The following AGFG2 variants were observed in gnomAD, a reference collection of about 807,000 sequenced individuals.
AGFG2 encodes the protein ArfGAP with FG repeats 2.
AGFG2 carries 31 observed loss-of-function variants against 48.0 expected under a neutral mutation model. The observed-to-expected ratio is 0.65, with a 90% CI of 0.49 to 0.87. The LOEUF (loss-of-function observed/expected upper bound fraction) is 0.87. Among genes scored for constraint, AGFG2 ranks in the 40% least tolerant of loss-of-function variants. The pLI is 0.00. For synonymous variants in AGFG2, 229 were observed against 260.8 expected, an observed-to-expected ratio of 0.88 and a Z score of 1.18; for missense variants, 599 against 632.6, an observed-to-expected ratio of 0.95 and a Z score of 0.57.
chr7:100,561,468 A>C (rs777525530), intron 6 of AGFG2, among the ~76,000 whole-genome samples: 1 of 152,166 alleles, frequency 6.6e-6, no homozygotes, highest in Non-Finnish European at 1.5e-5. Flanking sequence ...TTACATTCAC[A>C]GCAGCCCAGT....
At chr7:100,554,014 A>G in intron 4 of AGFG2, 79 bp from the exon 5 acceptor site, 1 of 1,523,828 alleles carries the variant, frequency 6.6e-7, no homozygotes, top group Non-Finnish European at 8.8e-7. Flanking sequence ...TGCCTATCTG[A>G]GGGCAACCTG....
chr7:100,555,011 C>A (rs892404881), intron 5 of AGFG2, among the ~76,000 whole-genome samples: 3 of 151,026 alleles, frequency 2.0e-5, no homozygotes, highest in South Asian at 2.1e-4. Context: ...CCAAACTAGG[C>A]CCTGACAAAA....
chr7:100,558,634 C>A (rs910188231), intron 6 of AGFG2, among the ~76,000 whole-genome samples: 2 of 151,200 alleles, frequency 1.3e-5, no homozygotes, highest in African/African-American at 4.9e-5. Flanking sequence ...CTCCGCCTCT[C>A]GGGTTCACGC....
chr7:100,564,847 C>A (rs1041871724), intron 11 of AGFG2, 85 bp from the exon 12 acceptor site: 10 of 1,472,894 alleles, frequency 6.8e-6, no homozygotes, highest in African/African-American at 1.4e-5. Flanking sequence ...AGCGATTTTT[C>A]AGGAGAAAGG....
At position 100,562,225 on chromosome 7, in the gene AGFG2, A is replaced by G; in HGVS notation, c.878-34A>G. 6.2e-7 allele frequency: 1 copy of G among 1,605,834 alleles called. No individual in the cohort carries two copies. The highest frequency in any genetic ancestry group is 2.2e-5 in the East Asian group (1 of 44,642). On this transcript the variant is annotated intron_variant, in intron 6 of 11. Coordinates refer to ENST00000300176, the MANE Select transcript of AGFG2 (RefSeq NM_006076.5). The surrounding 1 kb of genome is among the most constrained non-coding windows in gnomAD (Gnocchi z 5.4). The stretch of plus-strand genomic sequence containing the variant: ...TGCCCCTCCCGCCCTGTCTTACCTC[A>G]GCTCTCCCTGTTGTATTTTCCACAA...
chr7:100,554,682 TC>T (rs1800721751), intron 5 of AGFG2, among the ~76,000 whole-genome samples: 1 of 151,974 alleles, frequency 6.6e-6, no homozygotes, highest in African/African-American at 2.4e-5. Flanking sequence ...ACACCTGTAA[TC>T]CTAGCATTTG....
rs945491598 is a variant in AGFG2, at chr7:100,567,904, G to A, written c.*2913G>A. The A allele has an allele frequency of 1.3e-5, 2 of 152,364 alleles. No individual in the cohort carries two copies. The highest frequency in any genetic ancestry group is 1.3e-4 in the Admixed American group (2 of 15,286). The allele number at this position is 152,364 out of a possible 1,614,324, so 9.4% of individuals were successfully genotyped here. A position where few individuals can be genotyped will look rare whatever the true frequency, so the allele number is the denominator to read the frequency against. On this transcript the variant is annotated 3_prime_UTR_variant, in exon 12 of 12. Coordinates refer to ENST00000300176, the MANE Select transcript of AGFG2 (RefSeq NM_006076.5). ...AGGGTCAAGGGCAGTGTGTTGCCAAGGCAACTGATGTAGGCCAGTTGCGTG... is the reference window on the plus strand; with the variant it reads ...AGGGTCAAGGGCAGTGTGTTGCCAAAGCAACTGATGTAGGCCAGTTGCGTG...
chr7:100,561,336 A>T (rs1251765284), intron 6 of AGFG2, among the ~76,000 whole-genome samples: 1 of 152,130 alleles, frequency 6.6e-6, no homozygotes, highest in Non-Finnish European at 1.5e-5. Context: ...CATGTTGGCA[A>T]GGGTGGTCTC....
chr7:100,546,955 C>CA (rs1562790277), intron 1 of AGFG2, among the ~76,000 whole-genome samples: 2 of 152,172 alleles, frequency 1.3e-5, no homozygotes, highest in Non-Finnish European at 2.9e-5. Flanking sequence ...TCCTTGGGGG[C>CA]ATCAGTCCTC....
In AGFG2 at chr7:100,539,210, G is replaced by A. The variant is rs767381590; in HGVS notation, c.-137G>A. 2.4e-6 allele frequency: 2 copies of A among 843,838 alleles called. No homozygotes were observed. Among genetic ancestry groups the A allele is most frequent in the African/African-American group, 1.8e-5 (1 of 56,632 alleles). 52.3% of individuals were successfully genotyped at this position (843,838 alleles called of 1,614,324 possible). A position where few individuals can be genotyped will look rare whatever the true frequency, so the allele number is the denominator to read the frequency against. On this transcript the variant is annotated 5_prime_UTR_variant, in exon 1 of 12. Transcript: ENST00000300176. ...AGGACGGGCAAGGAGGGTGGTGGAC[G>A]GCGAAGTCTCCTGCGGATGCCGCCC...
In AGFG2 at chr7:100,562,480, C is replaced by T. The variant is rs1800897706; in HGVS notation, c.998+101C>T. On this transcript the variant is annotated intron_variant, in intron 7 of 11. Transcript: ENST00000300176. The surrounding 1 kb of genome is among the most constrained non-coding windows in gnomAD (Gnocchi z 5.4). ...ATCGGCATCTCCTGGCAGTTCTCCC[C>T]TCCCCTCCTCTCCCTTACTCACCCT... 2 of 1,597,014 alleles carry T rather than the reference C, an allele frequency of 1.3e-6. No homozygotes were observed. Among genetic ancestry groups the T allele is most frequent in the African/African-American group, 1.3e-5 (1 of 74,714 alleles).
In AGFG2 at chr7:100,539,498, C is replaced by T. The variant is rs536503624; in HGVS notation, c.152C>T (p.Ala51Val). Residue 51 changes from alanine (A) to valine (V), a missense_variant, in exon 1 of 12, where the codon GCC (alanine) becomes GTC (valine). Transcript: ENST00000300176. ...QAGNRHCFEC[A>V]QRGVTYVDIT... ...GGGAACCGCCACTGCTTCGAGTGCG[C>T]CCAGCGCGGGGTCACCTACGTGGAT... 3.6e-5 allele frequency: 47 copies of T among 1,315,080 alleles called. No homozygotes were observed. The East Asian group carries it at 1.4e-3, about 39-fold the overall frequency. The allele number at this position is 1,315,080 out of a possible 1,614,324, so 81.5% of individuals were successfully genotyped here.
intron 9 of AGFG2, 110 bp downstream of exon 9, chr7:100,563,056 C>T (rs925934800): frequency 1.1e-5 from 12 of 1,131,998 alleles, no homozygotes; most frequent in Non-Finnish European, 1.5e-5. Context: ...GAGAAGCAGA[C>T]AGCCTGGTTC....
At chr7:100,548,742 CCCT>C (rs937056134) in intron 1 of AGFG2, 77 bp from the exon 2 acceptor site, 2,696 of 1,022,328 alleles carry the variant, frequency 2.6e-3, no homozygotes, top group Non-Finnish European at 3.1e-3. Context: ...CACCCTTTCT[CCCT>C]CCTCCTCCTC....
intron 1 of AGFG2, among the ~76,000 whole-genome samples, chr7:100,540,883 G>A (rs540132090): frequency 4.6e-5 from 7 of 151,892 alleles, no homozygotes; most frequent in East Asian, 1.9e-4. Context: ...GTGGTGGCGC[G>A]CACCTGTACT....
At chr7:100,564,782 G>A in intron 11 of AGFG2, 150 bp from the exon 12 acceptor site, 1 of 863,970 alleles carries the variant, frequency 1.2e-6, no homozygotes, top group Non-Finnish European at 1.9e-6. Context: ...GGGATTACAG[G>A]CATGAGCTAC....
chr7:100,554,294 G>A (rs761782755), intron 5 of AGFG2, 36 bp downstream of exon 5: 12 of 1,580,842 alleles, frequency 7.6e-6, no homozygotes, highest in Admixed American at 1.8e-5. Flanking sequence ...TCCCTACAGC[G>A]TATATGCTTA....
At position 100,565,061 on chromosome 7, in the gene AGFG2, C is replaced by A; in HGVS notation, c.*70C>A. On this transcript the variant is annotated 3_prime_UTR_variant, in exon 12 of 12. Coordinates refer to ENST00000300176, the MANE Select transcript of AGFG2 (RefSeq NM_006076.5). ...CTGCTCCCTAGAGCTCTGGTGACCA[C>A]TTGCCTGTGGGCATTTCTATGGGCC... The A allele has an allele frequency of 6.6e-7, 1 of 1,523,064 alleles. No homozygotes were observed. Among genetic ancestry groups the A allele is most frequent in the Non-Finnish European group, 9.1e-7 (1 of 1,097,228 alleles). 94.3% of individuals were successfully genotyped at this position (1,523,064 alleles called of 1,614,324 possible).
intron 1 of AGFG2, among the ~76,000 whole-genome samples, chr7:100,544,814 A>T (rs1199436973): frequency 1.3e-5 from 2 of 152,118 alleles, no homozygotes; most frequent in African/African-American, 4.8e-5. Context: ...CCTAAAGGGA[A>T]GGGCGGCTGG....
Sources: gnomAD v4.1 joint callset for allele counts (sites outside exome capture counted in the v4.1 genomes callset) on GRCh38, gnomAD v4.1.1 for gene constraint, Gnocchi (gnomAD v3.1) non-coding constraint, MANE v1.5 for transcripts, NCBI Gene and HGNC (gene_info 2026-07-23, HGNC 2026-07-21) for gene names.